MACROD1: variants seen among roughly 807,000 people sequenced by gnomAD.
MACROD1 encodes ADP-ribose glycohydrolase MACROD1.
MACROD1 carries 31 observed loss-of-function variants against 41.4 expected under a neutral mutation model. The ratio of observed to expected loss-of-function variants is 0.75; its 90% CI spans 0.56 to 1.01. The LOEUF is 1.01. MACROD1 is among the 50% of genes least tolerant of loss of function. The probability of loss-of-function intolerance (pLI) is 0.00; values close to 1 mark genes in which losing one functional copy is unlikely to be tolerated. For missense variants in MACROD1, 473 were observed against 460.0 expected (o/e 1.03, Z -0.26); for synonymous variants, 252 against 203.4 (o/e 1.24, Z -2.03).
intron 3 of MACROD1, among the ~76,000 whole-genome samples, chr11:64,108,989 C>T (rs904960679): frequency 6.6e-6 from 1 of 152,072 alleles, no homozygotes; most frequent in Non-Finnish European, 1.5e-5. Context: ...GTGGGGGAGA[C>T]GTGACCAGCA....
intron 3 of MACROD1, among the ~76,000 whole-genome samples, chr11:64,047,243 C>T (rs1331483599): frequency 6.6e-6 from 1 of 152,168 alleles, no homozygotes; most frequent in Non-Finnish European, 1.5e-5. Context: ...AGTCAGATTC[C>T]TCAACTCCTC....
At chr11:64,028,313 G>A (rs1217954704) in intron 3 of MACROD1, among the ~76,000 whole-genome samples, 2 of 152,188 alleles carry the variant, frequency 1.3e-5, no homozygotes, top group Admixed American at 6.5e-5. Flanking sequence ...TGTCCTGTGG[G>A]GACACGACAG....
chr11:64,046,889 C>T (rs114589845), intron 3 of MACROD1, among the ~76,000 whole-genome samples: 2,804 of 152,282 alleles, frequency 0.018, 102 homozygotes, highest in African/African-American at 0.064. Context: ...CAGATACTGC[C>T]GGACATTTTA....
intron 3 of MACROD1, among the ~76,000 whole-genome samples, chr11:64,054,406 C>T (rs1943746968): frequency 6.6e-6 from 1 of 152,166 alleles, no homozygotes; most frequent in Non-Finnish European, 1.5e-5. Flanking sequence ...AGGCTTTGAG[C>T]TCTTCTGCAA....
intron 3 of MACROD1, among the ~76,000 whole-genome samples, chr11:64,145,513 C>G (rs539961665): frequency 2.0e-5 from 3 of 152,160 alleles, no homozygotes; most frequent in African/African-American, 7.2e-5. Context: ...CCCTGCCCTT[C>G]GGTGGAACTG....
At chr11:64,003,606 G>C (rs745339399) in intron 4 of MACROD1, among the ~76,000 whole-genome samples, 1 of 152,112 alleles carries the variant, frequency 6.6e-6, no homozygotes, top group Non-Finnish European at 1.5e-5. Flanking sequence ...CTTCTTGTTG[G>C]GTAAGCACCT....
intron 4 of MACROD1, among the ~76,000 whole-genome samples, chr11:64,011,672 G>A (rs1943018494): frequency 6.6e-6 from 1 of 152,148 alleles, no homozygotes; most frequent in Non-Finnish European, 1.5e-5. Flanking sequence ...AAGACATGGA[G>A]CAGGGCAGTG....
At position 64,156,808 on chromosome 11, in the gene MACROD1, G is replaced by A. The variant is rs762830274; in HGVS notation, c.299-4415C>T. On this transcript the variant is annotated intron_variant, in intron 1 of 10. Coordinates refer to ENST00000255681, the MANE Select transcript of MACROD1 (RefSeq NM_014067.4). ...CGACCTTGAGGACATCTGTCAGCCCGTCCCTTCTAGTCTATGGACCCAAGT... is the reference window on the plus strand; with the variant it reads ...CGACCTTGAGGACATCTGTCAGCCCATCCCTTCTAGTCTATGGACCCAAGT... Among the ~76,000 whole-genome samples the A allele has an allele frequency of 3.3e-5, 5 of 152,128 alleles. No homozygotes were observed. In the South Asian group the frequency reaches 6.2e-4, roughly 19 times the overall value.
At chr11:64,133,940 G>T (rs1945299288) in intron 3 of MACROD1, among the ~76,000 whole-genome samples, 1 of 152,240 alleles carries the variant, frequency 6.6e-6, no homozygotes, top group African/African-American at 2.4e-5. Flanking sequence ...AGGACGGTCG[G>T]AGTCAGCCAA....
chr11:64,116,032 G>A (rs1284686153), intron 3 of MACROD1, among the ~76,000 whole-genome samples: 3 of 152,196 alleles, frequency 2.0e-5, no homozygotes, highest in African/African-American at 4.8e-5. Flanking sequence ...GTCCGACCTC[G>A]GCGGGAGCAA....
intron 1 of MACROD1, among the ~76,000 whole-genome samples, chr11:64,156,802 C>G (rs1476261392): frequency 4.6e-5 from 7 of 152,204 alleles, no homozygotes; most frequent in African/African-American, 1.7e-4. Context: ...GGACATCTGT[C>G]AGCCCGTCCC....
Position 64,120,955 on chromosome 11 carries a change from C to T in MACROD1, c.517+30284G>A, listed in dbSNP as rs554305818. Among the ~76,000 whole-genome samples, 16 of 152,318 alleles carry T rather than the reference C, an allele frequency of 1.1e-4. No individual in the cohort carries two copies. Among genetic ancestry groups the T allele is most frequent in the African/African-American group, 3.6e-4 (15 of 41,584 alleles). ...CCACCTCACCTAGGTCCCCCTGTCT[C>T]CTCTCCCCACCCTAGACAGGTCAGG... is the stretch of plus-strand genomic sequence containing the variant. On this transcript the variant is annotated intron_variant, in intron 3 of 10. Transcript: ENST00000255681. This position sits in a 1 kb window ranked among gnomAD's most constrained non-coding sequence, Gnocchi z 4.5.
chr11:64,035,960 C>T (rs1192851398), intron 3 of MACROD1: 1 of 147,800 alleles, frequency 6.8e-6, no homozygotes, highest in South Asian at 1.9e-4. Context: ...GCCGGGCGCC[C>T]GAGCCGGGCA....
chr11:64,087,902 G>A (rs988008754), intron 3 of MACROD1, among the ~76,000 whole-genome samples: 4 of 152,182 alleles, frequency 2.6e-5, no homozygotes, highest in Non-Finnish European at 4.4e-5. Context: ...TTCTTTCTGC[G>A]ACAGGGGAGA....
intron 3 of MACROD1, among the ~76,000 whole-genome samples, chr11:64,102,093 G>A (rs951214772): frequency 1.3e-5 from 2 of 152,196 alleles, no homozygotes; most frequent in African/African-American, 4.8e-5. Context: ...GCCACCTTAG[G>A]CCCTACAAAG....
At chr11:64,138,959 G>T (rs896800097) in intron 3 of MACROD1, among the ~76,000 whole-genome samples, 1 of 152,174 alleles carries the variant, frequency 6.6e-6, no homozygotes, top group African/African-American at 2.4e-5. Context: ...TAGAGACAGG[G>T]TTTCACTATC....
chr11:64,127,412 AC>A (rs1945201522), intron 3 of MACROD1, among the ~76,000 whole-genome samples: 1 of 81,154 alleles, frequency 1.2e-5, no homozygotes. Context: ...GGCTCAGCCC[AC>A]CCCCTCCCCG....
intron 3 of MACROD1, among the ~76,000 whole-genome samples, chr11:64,026,305 G>A (rs1355146692): frequency 6.6e-6 from 1 of 152,166 alleles, no homozygotes; most frequent in Non-Finnish European, 1.5e-5. Flanking sequence ...GATTACAGGT[G>A]TGAGCCACTG....
intron 4 of MACROD1, chr11:64,001,265 C>T (rs1942821156): frequency 4.9e-6 from 3 of 612,584 alleles, no homozygotes; most frequent in Non-Finnish European, 8.7e-6. Context: ...CTTCCCCTCT[C>T]TGGCGTCCAC....
Sources: allele counts gnomAD v4.1 joint callset (sites outside exome capture counted in the v4.1 genomes callset), GRCh38; gene constraint gnomAD v4.1.1; non-coding constraint Gnocchi (gnomAD v3.1); transcripts MANE v1.5; gene names NCBI Gene and HGNC (gene_info 2026-07-23, HGNC 2026-07-21).